The following GLB1 variants were observed in gnomAD, a reference collection of about 807,000 sequenced individuals.
The protein encoded by GLB1 is galactosidase beta 1.
In GLB1, 56 loss-of-function variants were observed where a neutral mutation model predicts 74.0. That is an observed-to-expected ratio of 0.76 (90% CI 0.61 to 0.94). The LOEUF (loss-of-function observed/expected upper bound fraction) is 0.94, where lower values mean the gene tolerates loss of function less well. Ranked by LOEUF, GLB1 falls within the 40% of genes least tolerant of loss-of-function variation. The pLI, the probability that GLB1 is intolerant of heterozygous loss-of-function variation, is 0.00. For synonymous variants in GLB1, 323 were observed against 323.6 expected (o/e 1.00, Z 0.02); for missense variants, 787 against 845.5 (o/e 0.93, Z 0.86).
intron 15 of GLB1, among the ~76,000 whole-genome samples, chr3:33,005,539 T>C (rs767947956): frequency 3.3e-5 from 5 of 152,120 alleles, no homozygotes; most frequent in Non-Finnish European, 7.3e-5. Flanking sequence ...TTTAAAAGTT[T>C]TACATACTCT....
chr3:33,038,209 A>G (rs994823007), intron 10 of GLB1, among the ~76,000 whole-genome samples: 11 of 152,200 alleles, frequency 7.2e-5, no homozygotes, highest in Non-Finnish European at 1.3e-4. Flanking sequence ...ACACAGGACC[A>G]TGGTAGACTT....
chr3:33,074,375 AG>A (rs1700018155), intron 1 of GLB1, among the ~76,000 whole-genome samples: 2 of 134,152 alleles, frequency 1.5e-5, no homozygotes, highest in African/African-American at 5.5e-5. Context: ...GAAGGAAGGA[AG>A]GAAGGAAGGA....
intron 9 of GLB1, among the ~76,000 whole-genome samples, chr3:33,049,411 A>C (rs1410046501): frequency 1.3e-5 from 2 of 152,078 alleles, no homozygotes; most frequent in African/African-American, 4.8e-5. Flanking sequence ...CTGGTCACTT[A>C]GGTATTTATT....
intron 4 of GLB1, 47 bp downstream of exon 4, chr3:33,068,183 A>T: frequency 2.5e-6 from 4 of 1,613,086 alleles, no homozygotes; most frequent in Non-Finnish European, 3.4e-6. Context: ...CACCGCACCT[A>T]GGCTGAAGCT....
At chr3:33,082,475 AAG>A (rs1269579728) in intron 1 of GLB1, among the ~76,000 whole-genome samples, 1 of 152,150 alleles carries the variant, frequency 6.6e-6, no homozygotes, top group African/African-American at 2.4e-5. Flanking sequence ...CAAAGACTTA[AAG>A]ATCATTTCCA....
At chr3:32,975,230 C>A in the GLB1 span, among the ~76,000 whole-genome samples, 3 of 152,076 alleles carry the variant, frequency 2.0e-5, no homozygotes, top group African/African-American at 7.2e-5. Context: ...TACAGGCATA[C>A]ACTACCATGC....
Position 33,034,842 on chromosome 3 carries a change from C to T in GLB1, c.1069-10517G>A, listed in dbSNP as rs910095021. The T allele has an allele frequency of 5.4e-6, 3 of 558,332 alleles. No homozygotes were observed. In the African/African-American group the frequency reaches 5.7e-5, roughly 11 times the overall value. 34.6% of individuals were successfully genotyped at this position (558,332 alleles called of 1,614,324 possible). On this transcript the variant is annotated intron_variant, in intron 10 of 15. Coordinates refer to ENST00000307363, the MANE Select transcript of GLB1 (RefSeq NM_000404.4). ...AGGCAGAGCCTCCCACCTGCCAGCTCCAGGACTGACTGATCATCTAATCTG... is the reference window on the plus strand; with the variant it reads ...AGGCAGAGCCTCCCACCTGCCAGCTTCAGGACTGACTGATCATCTAATCTG...
At chr3:32,978,402 A>G in the GLB1 span, among the ~76,000 whole-genome samples, 1 of 152,148 alleles carries the variant, frequency 6.6e-6, no homozygotes, top group Non-Finnish European at 1.5e-5. Context: ...AAAAAAAACA[A>G]ATTTCCTGTT....
chr3:32,992,129 G>A (rs912713124), downstream of GLB1, among the ~76,000 whole-genome samples: 1 of 152,238 alleles, frequency 6.6e-6, no homozygotes, highest in African/African-American at 2.4e-5. Flanking sequence ...CCTGGATGTC[G>A]AGTCTTTTCC....
chr3:33,054,087 T>C (rs890768846), intron 6 of GLB1, among the ~76,000 whole-genome samples: 1 of 152,040 alleles, frequency 6.6e-6, no homozygotes, highest in African/African-American at 2.4e-5. Context: ...TTCCTGACCA[T>C]GTGAGGGCAC....
the GLB1 span, among the ~76,000 whole-genome samples, chr3:32,967,837 A>G: frequency 2.0e-5 from 3 of 152,080 alleles, no homozygotes; most frequent in Admixed American, 6.5e-5. Context: ...GCATCCCAGC[A>G]CCCTGCCTGG....
chr3:33,025,480 T>C (rs114310283), intron 10 of GLB1, among the ~76,000 whole-genome samples: 2,668 of 152,310 alleles, frequency 0.018, 76 homozygotes, highest in East Asian at 0.073. Context: ...TACTGTGAGT[T>C]CTCAAGATCC....
At chr3:33,063,141 G>A (rs995861218) in intron 5 of GLB1, among the ~76,000 whole-genome samples, 1 of 152,012 alleles carries the variant, frequency 6.6e-6, no homozygotes, top group Non-Finnish European at 1.5e-5. Flanking sequence ...CATGAAAGAT[G>A]ATGAAAGAAT....
chr3:32,984,019 T>C, the GLB1 span, among the ~76,000 whole-genome samples: 1 of 152,150 alleles, frequency 6.6e-6, no homozygotes, highest in Non-Finnish European at 1.5e-5. Context: ...ATTTCCCAAG[T>C]TTAGGATAAA....
intron 10 of GLB1, among the ~76,000 whole-genome samples, chr3:33,024,677 C>G (rs1367342200): frequency 1.3e-5 from 2 of 152,136 alleles, no homozygotes; most frequent in Non-Finnish European, 2.9e-5. Context: ...GGGAGACAGC[C>G]TATCATAGGA....
the GLB1 span, among the ~76,000 whole-genome samples, chr3:32,978,977 TTC>T: frequency 6.7e-6 from 1 of 150,134 alleles, no homozygotes; most frequent in East Asian, 1.9e-4. Flanking sequence ...CTTTCTTTCT[TTC>T]TTTTTTTTTT....
chr3:33,059,441 T>C (rs769289295), intron 5 of GLB1, among the ~76,000 whole-genome samples: 1 of 152,078 alleles, frequency 6.6e-6, no homozygotes, highest in Non-Finnish European at 1.5e-5. Flanking sequence ...ATAAAACAAA[T>C]GAACTTCAGC....
intron 10 of GLB1, among the ~76,000 whole-genome samples, chr3:33,040,825 C>T (rs1050556478): frequency 6.6e-6 from 1 of 151,978 alleles, no homozygotes; most frequent in East Asian, 1.9e-4. Context: ...AAAAGAAGAA[C>T]ATGTATACAT....
In GLB1 at chr3:33,046,921, G is replaced by C. The variant is rs150097956; in HGVS notation, c.956-689C>G. Among the ~76,000 whole-genome samples the C allele has an allele frequency of 9.6e-4, 146 of 152,250 alleles. 1 individual carries two copies. The highest frequency in any genetic ancestry group is 2.6e-3 in the Admixed American group (39 of 15,294). ...CTGCTGACATTTCTCAGATGTGTCC[G>C]TCTCTGGGTGCTGGCCTGTGCTGAG... On this transcript the variant is annotated intron_variant, in intron 9 of 15. Coordinates refer to ENST00000307363, the MANE Select transcript of GLB1 (RefSeq NM_000404.4).
Sources: allele counts gnomAD v4.1 joint callset (sites outside exome capture counted in the v4.1 genomes callset), GRCh38; gene constraint gnomAD v4.1.1; transcripts MANE v1.5; gene names NCBI Gene and HGNC (gene_info 2026-07-23, HGNC 2026-07-21).